Variants in PSMG2 observed in about 807,000 individuals in gnomAD.
The protein encoded by PSMG2 is CD40 ligand-activated specific transcript 3.
A neutral mutation model predicts 31.5 loss-of-function variants in PSMG2; 21 were observed. That is an observed-to-expected ratio of 0.67 (90% CI 0.47 to 0.96). PSMG2 has a LOEUF of 0.96. PSMG2 is among the 40% of genes least tolerant of loss of function. The pLI, the probability that PSMG2 is intolerant of heterozygous loss-of-function variation, is 0.00. For synonymous variants in PSMG2, 120 were observed against 110.4 expected (o/e 1.09, Z -0.54); for missense variants, 318 against 321.2 (o/e 0.99, Z 0.08).
intron 2 of PSMG2, 117 bp downstream of exon 2, chr18:12,706,838 A>G (rs1407146410): frequency 5.1e-5 from 54 of 1,057,084 alleles, no homozygotes; most frequent in Non-Finnish European, 6.9e-5. Flanking sequence ...AACTTTGTGT[A>G]GAGTTCACAA....
chr18:12,675,320 C>T (rs534325459), intron 1 of PSMG2, among the ~76,000 whole-genome samples: 238 of 151,938 alleles, frequency 1.6e-3, no homozygotes, highest in Non-Finnish European at 2.7e-3. Flanking sequence ...GGTATGAATC[C>T]GGGAGGCAGA....
chr18:12,673,617 T>A, intron 1 of PSMG2: 1 of 768,538 alleles, frequency 1.3e-6, no homozygotes, highest in African/African-American at 1.9e-5. Context: ...TGGTGGCTCA[T>A]GCCTGTAATC....
chr18:12,690,911 C>A (rs868159069), intron 1 of PSMG2, among the ~76,000 whole-genome samples: 48 of 151,366 alleles, frequency 3.2e-4, no homozygotes, highest in African/African-American at 1.1e-3. Flanking sequence ...TTTTTAAAAC[C>A]CTAACAAAAA....
upstream of PSMG2, chr18:12,702,655 G>C: frequency 2.3e-6 from 3 of 1,288,570 alleles, no homozygotes; most frequent in Non-Finnish European, 3.2e-6. Flanking sequence ...ACAAAGCGCC[G>C]CAGCCGTTCG....
intron 2 of PSMG2, among the ~76,000 whole-genome samples, chr18:12,707,382 A>G (rs2040280249): frequency 6.6e-6 from 1 of 152,192 alleles, no homozygotes; most frequent in Non-Finnish European, 1.5e-5. Context: ...TAATATGGAA[A>G]GGCGAAAAGT....
chr18:12,693,001 T>G (rs1052815909), intron 1 of PSMG2, among the ~76,000 whole-genome samples: 4 of 152,138 alleles, frequency 2.6e-5, no homozygotes, highest in African/African-American at 9.7e-5. Flanking sequence ...TTTTAAAAAT[T>G]TTTGTAGAGA....
chr18:12,668,707 G>T, intron 1 of PSMG2, among the ~76,000 whole-genome samples: 1 of 132,684 alleles, frequency 7.5e-6, no homozygotes, highest in East Asian at 2.3e-4. Context: ...ACTATGTGTT[G>T]TCTACCTAGC....
At chr18:12,722,650 G>T (rs570096709) in intron 5 of PSMG2, among the ~76,000 whole-genome samples, 1 of 152,274 alleles carries the variant, frequency 6.6e-6, no homozygotes, top group Admixed American at 6.5e-5. Context: ...AGGAAATGCG[G>T]ATTTTACCCT....
At chr18:12,686,566 C>T in intron 1 of PSMG2, 1 of 739,246 alleles carries the variant, frequency 1.4e-6, no homozygotes, top group East Asian at 2.7e-5. Context: ...CGAGTGCTTA[C>T]CTTGTATCCA....
intron 3 of PSMG2, among the ~76,000 whole-genome samples, chr18:12,715,042 C>T (rs923657898): frequency 6.6e-6 from 1 of 150,716 alleles, no homozygotes; most frequent in East Asian, 2.0e-4. Flanking sequence ...GAGTTTTACT[C>T]TTGTCACCCA....
rs574920227 is a variant in PSMG2, at chr18:12,691,256, A to G, written c.-36-15294A>G. 3.7e-4 allele frequency: 267 copies of G among 731,068 alleles called. 1 individual carries two copies. The highest frequency in any genetic ancestry group is 1.4e-3 in the South Asian group (43 of 30,826). 45.3% of individuals were successfully genotyped at this position (731,068 alleles called of 1,614,324 possible). A position where few individuals can be genotyped will look rare whatever the true frequency, so the allele number is the denominator to read the frequency against. On this transcript the variant is annotated intron_variant, in intron 1 of 6. Coordinates refer to the PSMG2 transcript ENST00000585331. ...CATTTTATTTTACAAATACACTTTT[A>G]TTTTTTGGAATACATTTTACAAATA... is the stretch of plus-strand genomic sequence containing the variant.
Position 12,725,556 on chromosome 18 carries a change from AC to A in PSMG2, c.*28del. On this transcript the variant is annotated 3_prime_UTR_variant, in exon 7 of 7. Transcript: ENST00000317615. ...ATCTAATTTCTGTTTTATACCTTAT[AC>A]CCAAAACACTTACTACCAACACAGC... The A allele has an allele frequency of 6.6e-7, 1 of 1,503,986 alleles. No homozygotes were observed. Among genetic ancestry groups the A allele is most frequent in the Non-Finnish European group, 9.2e-7 (1 of 1,086,374 alleles). 93.2% of individuals were successfully genotyped at this position (1,503,986 alleles called of 1,614,324 possible). A position where few individuals can be genotyped will look rare whatever the true frequency, so the allele number is the denominator to read the frequency against.
intron 1 of PSMG2, chr18:12,678,522 CT>C: frequency 1.1e-6 from 1 of 922,694 alleles, no homozygotes. Flanking sequence ...TATTCTAACA[CT>C]TAAGGCCATA....
chr18:12,700,863 TA>T, upstream of PSMG2: 1 of 1,006,950 alleles, frequency 9.9e-7, no homozygotes. Flanking sequence ...GTGGTTTTAC[TA>T]AAACGAAAGG....
At chr18:12,721,194 A>T (rs951553236) in intron 5 of PSMG2, among the ~76,000 whole-genome samples, 26 of 152,154 alleles carry the variant, frequency 1.7e-4, no homozygotes, top group African/African-American at 5.3e-4. Context: ...AAAAAAAGAA[A>T]ATATATTTAC....
chr18:12,711,814 C>T (rs187608763), intron 2 of PSMG2, among the ~76,000 whole-genome samples: 70 of 134,594 alleles, frequency 5.2e-4, no homozygotes, highest in Admixed American at 2.0e-3. Context: ...AGTGCAGTGG[C>T]GCGATCTCTG....
intron 1 of PSMG2, among the ~76,000 whole-genome samples, chr18:12,666,319 AC>A (rs1304179517): frequency 6.6e-6 from 1 of 151,838 alleles, no homozygotes; most frequent in Non-Finnish European, 1.5e-5. Flanking sequence ...ACAGAGTGAG[AC>A]CCCCAGCTCA....
chr18:12,694,944 T>C (rs1224639533), intron 1 of PSMG2, among the ~76,000 whole-genome samples: 10 of 151,838 alleles, frequency 6.6e-5, no homozygotes, highest in Admixed American at 6.6e-4. Context: ...CACGATCTCC[T>C]GACCTTGTGA....
At position 12,673,460 on chromosome 18, in the gene PSMG2, C is replaced by G. The variant is rs771629415; in HGVS notation, c.-37+14687C>G. On this transcript the variant is annotated intron_variant, in intron 1 of 6. Transcript: ENST00000585331. Reference sequence around the variant, plus strand: ...ACTCGGACACGAACTGCCAGTCGCACTTGGTCTCCACGGCAACAGATTATT... The same window carrying G: ...ACTCGGACACGAACTGCCAGTCGCAGTTGGTCTCCACGGCAACAGATTATT... 3.8e-6 allele frequency: 6 copies of G among 1,589,126 alleles called. No homozygotes were observed. The East Asian group carries it at 1.4e-4, about 37-fold the overall frequency.
Sources: allele counts gnomAD v4.1 joint callset (sites outside exome capture counted in the v4.1 genomes callset), GRCh38; gene constraint gnomAD v4.1.1; transcripts MANE v1.5; gene names NCBI Gene and HGNC (gene_info 2026-07-23, HGNC 2026-07-21).